The following KCNMA1 variants were observed in gnomAD, a reference collection of about 807,000 sequenced individuals.
KCNMA1 encodes potassium calcium-activated channel subfamily M alpha 1.
KCNMA1 carries 29 observed loss-of-function variants against 140.0 expected under a neutral mutation model. That is an observed-to-expected ratio of 0.21 (90% CI 0.15 to 0.28). The LOEUF (loss-of-function observed/expected upper bound fraction) is 0.28, where lower values mean the gene tolerates loss of function less well. Ranked by LOEUF, KCNMA1 falls within the 10% of genes least tolerant of loss-of-function variation. The probability of loss-of-function intolerance (pLI) is 1.00; values close to 1 mark genes in which losing one functional copy is unlikely to be tolerated. For missense variants in KCNMA1, 880 were observed against 1,602.2 expected (o/e 0.55, Z 7.70); for synonymous variants, 612 against 611.9 (o/e 1.00, Z 0.00).
intron 26 of KCNMA1, chr10:76,889,821 G>A: frequency 1.9e-6 from 1 of 536,856 alleles, no homozygotes; most frequent in Non-Finnish European, 3.4e-6. Context: ...CTGTCGCAGT[G>A]GGGTTTGAAA....
downstream of KCNMA1, among the ~76,000 whole-genome samples, chr10:76,881,942 TC>T (rs932874467): frequency 6.6e-6 from 1 of 152,160 alleles, no homozygotes; most frequent in Non-Finnish European, 1.5e-5. Flanking sequence ...TGGCTTTGAC[TC>T]ACCAGGCATC....
chr10:77,422,914 G>C (rs1361816485), intron 1 of KCNMA1, among the ~76,000 whole-genome samples: 2 of 152,240 alleles, frequency 1.3e-5, no homozygotes, highest in Non-Finnish European at 2.9e-5. Context: ...CTTCTGAACT[G>C]TGAGACAATA....
At chr10:77,179,157 G>C (rs1454036141) in intron 5 of KCNMA1, among the ~76,000 whole-genome samples, 1 of 152,168 alleles carries the variant, frequency 6.6e-6, no homozygotes, top group Admixed American at 6.5e-5. Context: ...CCTATGAGGT[G>C]GGTGCTGTAA....
chr10:77,466,850 C>T (rs2098029591), intron 1 of KCNMA1, among the ~76,000 whole-genome samples: 1 of 146,052 alleles, frequency 6.8e-6, no homozygotes. Flanking sequence ...GGCAGGTTAT[C>T]ACCTTTGATT....
chr10:77,439,836 G>A (rs889490531), intron 1 of KCNMA1, among the ~76,000 whole-genome samples: 2 of 152,164 alleles, frequency 1.3e-5, no homozygotes, highest in African/African-American at 4.8e-5. Context: ...CACCTCAAGG[G>A]GATACCATGC....
At chr10:77,187,643 T>G (rs546009239) in intron 3 of KCNMA1, among the ~76,000 whole-genome samples, 3 of 152,228 alleles carry the variant, frequency 2.0e-5, no homozygotes, top group African/African-American at 7.2e-5. Flanking sequence ...CTCAATAATA[T>G]GAGGGGGCAG....
chr10:77,444,672 C>A (rs1426281278), intron 1 of KCNMA1, among the ~76,000 whole-genome samples: 1 of 152,104 alleles, frequency 6.6e-6, no homozygotes, highest in African/African-American at 2.4e-5. Flanking sequence ...CAATTCCAGG[C>A]CTCCTAACCA....
intron 5 of KCNMA1, among the ~76,000 whole-genome samples, chr10:77,178,980 T>A (rs2098779037): frequency 6.6e-6 from 1 of 152,208 alleles, no homozygotes; most frequent in African/African-American, 2.4e-5. Context: ...GACATGACTG[T>A]CCTCACATCC....
In KCNMA1 at chr10:77,561,532, C is replaced by T. The variant is rs561506088; in HGVS notation, c.378+75733G>A. ...TGGACCCTCCTAATTACCTCCACTA[C>T]ACTGGTTATGATTCCTTCCACTTTC... On this transcript the variant is annotated intron_variant, in intron 1 of 27. Coordinates refer to ENST00000286628, the MANE Select transcript of KCNMA1 (RefSeq NM_001161352.2). Among the ~76,000 whole-genome samples, 3 of 152,352 alleles carry T rather than the reference C, an allele frequency of 2.0e-5. No homozygotes were observed. The East Asian group carries it at 5.8e-4, about 29-fold the overall frequency.
chr10:77,370,629 T>G (rs183189517), intron 2 of KCNMA1, among the ~76,000 whole-genome samples: 49 of 152,330 alleles, frequency 3.2e-4, no homozygotes, highest in African/African-American at 1.1e-3. Flanking sequence ...ATGTTGAGAC[T>G]GGACCAAGCA....
chr10:77,408,113 C>T (rs1259518224), intron 1 of KCNMA1, among the ~76,000 whole-genome samples: 1 of 152,264 alleles, frequency 6.6e-6, no homozygotes, highest in East Asian at 1.9e-4. Context: ...CCTTCTGACT[C>T]GCCCCATTAG....
At chr10:77,067,069 C>T (rs1168830090) in intron 14 of KCNMA1, among the ~76,000 whole-genome samples, 1 of 152,136 alleles carries the variant, frequency 6.6e-6, no homozygotes, top group African/African-American at 2.4e-5. Context: ...TCACAGTGTA[C>T]CCAGATATTT....
intron 19 of KCNMA1, among the ~76,000 whole-genome samples, chr10:76,985,649 G>T (rs2081061434): frequency 6.6e-6 from 1 of 152,206 alleles, no homozygotes; most frequent in African/African-American, 2.4e-5. Context: ...TTCAGGAAAA[G>T]ATCACACAAA....
chr10:77,319,880 T>C (rs1350483974), intron 2 of KCNMA1, among the ~76,000 whole-genome samples: 3 of 152,196 alleles, frequency 2.0e-5, no homozygotes, highest in Admixed American at 2.0e-4. Context: ...ATATATACTG[T>C]ATTGAGCAAG....
At chr10:77,530,433 G>C (rs1475842314) in intron 1 of KCNMA1, among the ~76,000 whole-genome samples, 1 of 152,148 alleles carries the variant, frequency 6.6e-6, no homozygotes, top group Non-Finnish European at 1.5e-5. Flanking sequence ...CATCTCCAAA[G>C]TCTCTTCTAG....
chr10:77,328,156 G>T (rs2084940298), intron 2 of KCNMA1, among the ~76,000 whole-genome samples: 1 of 152,104 alleles, frequency 6.6e-6, no homozygotes, highest in Non-Finnish European at 1.5e-5. Context: ...ATTTGTTGTT[G>T]GGAATTAAAC....
intron 1 of KCNMA1, among the ~76,000 whole-genome samples, chr10:77,609,215 T>C (rs1567848042): frequency 6.6e-6 from 1 of 152,168 alleles, no homozygotes; most frequent in East Asian, 1.9e-4. Flanking sequence ...CAACGGATGA[T>C]GGATAAAGAA....
At chr10:77,496,928 C>T (rs2042169052) in intron 1 of KCNMA1, among the ~76,000 whole-genome samples, 1 of 152,160 alleles carries the variant, frequency 6.6e-6, no homozygotes, top group African/African-American at 2.4e-5. Context: ...CTTACCAGCC[C>T]CTACCCACAC....
chr10:76,952,277 T>C, intron 21 of KCNMA1: 1 of 1,167,046 alleles, frequency 8.6e-7, no homozygotes, highest in Non-Finnish European at 1.2e-6. Context: ...TCCCAGCACT[T>C]TGGGAGGCCA....
Sources: gnomAD v4.1 joint callset for allele counts (sites outside exome capture counted in the v4.1 genomes callset) on GRCh38, gnomAD v4.1.1 for gene constraint, MANE v1.5 for transcripts, NCBI Gene and HGNC (gene_info 2026-07-23, HGNC 2026-07-21) for gene names.